The following ZNF417 variants were observed in gnomAD, a reference collection of about 807,000 sequenced individuals.
ZNF417 encodes the protein zinc finger protein 417.
Under a neutral mutation model 7.4 loss-of-function variants are expected in ZNF417, and 5 were observed. The observed-to-expected ratio is 0.68, with a 90% CI of 0.35 to 1.43. ZNF417 has a LOEUF of 1.43. Among genes scored for constraint, ZNF417 ranks in the 40% most tolerant of loss-of-function variants. The probability of loss-of-function intolerance (pLI) is 0.04; values close to 1 mark genes in which losing one functional copy is unlikely to be tolerated. For synonymous variants in ZNF417, 147 were observed against 239.1 expected (o/e 0.61, Z 3.55); for missense variants, 437 against 697.3 (o/e 0.63, Z 4.20).
chr19:57,907,470 A>G lies in ZNF417; in HGVS notation c.*1080T>C, dbSNP rs1249547915. On this transcript the variant is annotated 3_prime_UTR_variant, in exon 3 of 3. Transcript: ENST00000312026. The stretch of plus-strand genomic sequence containing the variant: ...CATGTGTTTGGTCAGTCATGAGAGG[A>G]AGAATAATTCAGAGTGAGAGGAAAC... The G allele has an allele frequency of 6.5e-6, 1 of 154,822 alleles. No individual in the cohort carries two copies. The highest frequency in any genetic ancestry group is 6.5e-5 in the Admixed American group (1 of 15,288). 9.6% of individuals were successfully genotyped at this position (154,822 alleles called of 1,614,324 possible). A position where few individuals can be genotyped will look rare whatever the true frequency, so the allele number is the denominator to read the frequency against.
At chr19:57,915,972 T>G (rs2071943656) in intron 1 of ZNF417, among the ~76,000 whole-genome samples, 1 of 152,106 alleles carries the variant, frequency 6.6e-6, no homozygotes, top group South Asian at 2.1e-4. Flanking sequence ...GAAAACAGCA[T>G]GAAAAACTCA....
chr19:57,912,968 T>G (rs891121395), intron 1 of ZNF417, among the ~76,000 whole-genome samples: 5 of 151,814 alleles, frequency 3.3e-5, no homozygotes, highest in Non-Finnish European at 5.9e-5. Flanking sequence ...ATGATTCCCT[T>G]GGGAATATGC....
intron 1 of ZNF417, chr19:57,915,729 G>T: frequency 2.5e-6 from 1 of 407,850 alleles, no homozygotes; most frequent in Non-Finnish European, 4.3e-6. Flanking sequence ...AGAACAGCCT[G>T]CCTTTGCAGG....
chr19:57,909,088 T>C lies in ZNF417; in HGVS notation c.1190A>G (p.Gln397Arg), dbSNP rs1296224367. 10 of 1,614,006 alleles carry C rather than the reference T, an allele frequency of 6.2e-6. No homozygotes were observed. The highest frequency in any genetic ancestry group is 8.5e-6 in the Non-Finnish European group (10 of 1,180,032). ...KSFGQKGNLVQHQRGHTGERP... is the reference protein window; with the variant it reads ...KSFGQKGNLVRHQRGHTGERP... ...TTCTCCAGTATGACCTCGCTGATGT[T>C]GAACGAGGTTGCCCTTTTGACCAAA... Residue 397 changes from glutamine to arginine, a missense_variant, in exon 3 of 3, where the codon CAA becomes CGA. Physicochemically the swap from Gln to Arg is conservative, Grantham distance 43. Around this residue, in one of 5 missense-constraint regions of ZNF417, gnomAD observed 233 missense variants for 235.5 expected, o/e 0.99. Coordinates refer to ENST00000312026, the MANE Select transcript of ZNF417 (RefSeq NM_152475.3).
intron 1 of ZNF417, among the ~76,000 whole-genome samples, chr19:57,914,491 A>AAAAAAAAAAAAAAAAAAAAAAC: frequency 6.9e-6 from 1 of 144,800 alleles, no homozygotes; most frequent in Non-Finnish European, 1.5e-5. Flanking sequence ...CACAAAAAAA[A>AAAAAAAAAAAAAAAAAAAAAAC]AAAAAAAAAA....
chr19:57,916,406 T>C lies in ZNF417; in HGVS notation c.6A>G (p.Ala2=). The part of the protein sequence containing the change: M[A]AAAPRRPTQQ... ...GAGTCGGGCGCCTCGGCGCAGCCGCTGCCATCGGACTACTTGGGGAAGCAC... is the reference window on the plus strand; with the variant it reads ...GAGTCGGGCGCCTCGGCGCAGCCGCCGCCATCGGACTACTTGGGGAAGCAC... The change falls in exon 1 of 3, where the codon GCA becomes GCG. Residue 2 remains alanine, a synonymous_variant. Coordinates refer to ENST00000312026, the MANE Select transcript of ZNF417 (RefSeq NM_152475.3). 1.2e-6 allele frequency: 2 copies of C among 1,614,140 alleles called. No individual in the cohort carries two copies. The highest frequency in any genetic ancestry group is 1.7e-6 in the Non-Finnish European group (2 of 1,180,040).
rs1313857330 is a variant in ZNF417, at chr19:57,916,556, G to A, written c.-145C>T. On this transcript the variant is annotated 5_prime_UTR_variant, in exon 1 of 3. Coordinates refer to ENST00000312026, the MANE Select transcript of ZNF417 (RefSeq NM_152475.3). ...CCCCAGCACTCAGGGGCCACAAACT[G>A]GGGAAACACCCGCGTCACCGATACA... The A allele has an allele frequency of 6.6e-6, 10 of 1,509,800 alleles. No homozygotes were observed. The highest frequency in any genetic ancestry group is 1.4e-5 in the African/African-American group (1 of 71,950). 93.5% of individuals were successfully genotyped at this position (1,509,800 alleles called of 1,614,324 possible). A position where few individuals can be genotyped will look rare whatever the true frequency, so the allele number is the denominator to read the frequency against.
intron 1 of ZNF417, among the ~76,000 whole-genome samples, chr19:57,913,902 T>C (rs2071921187): frequency 6.6e-6 from 1 of 152,194 alleles, no homozygotes; most frequent in Non-Finnish European, 1.5e-5. Flanking sequence ...AATGGACCCA[T>C]AACTAACTTA....
chr19:57,915,499 G>A, intron 1 of ZNF417: 1 of 495,752 alleles, frequency 2.0e-6, no homozygotes, highest in Non-Finnish European at 3.7e-6. Flanking sequence ...ACGGGTGTCA[G>A]AAACAGGTGA....
chr19:57,915,761 T>A (rs1361592919), intron 1 of ZNF417: 1 of 412,344 alleles, frequency 2.4e-6, no homozygotes, highest in Non-Finnish European at 4.2e-6. Context: ...AGCTACAAGG[T>A]TAGAAATTAC....
rs528648366 is a variant in ZNF417 at position 57,906,532 on chromosome 19, G to C, written c.*2018C>G. 5.2e-4 allele frequency among the ~76,000 whole-genome samples: 79 copies of C among 151,964 alleles called. No homozygotes were observed. Among genetic ancestry groups the C allele is most frequent in the African/African-American group, 1.9e-3 (77 of 41,480 alleles). ...AATCCCAGCACTTTAGGAGGCTGAG[G>C]GGGGTGGATCATGAGGTCACAAGTT... On this transcript the variant is annotated 3_prime_UTR_variant, in exon 3 of 3. Coordinates refer to ENST00000312026, the MANE Select transcript of ZNF417 (RefSeq NM_152475.3).
At chr19:57,915,415 C>G (rs60861531) in intron 1 of ZNF417, 6 of 376,334 alleles carry the variant, frequency 1.6e-5, no homozygotes, top group Non-Finnish European at 2.5e-5. Context: ...CAGGTTCCAT[C>G]CTCCCGGCTC....
chr19:57,912,862 G>A (rs148918710), intron 1 of ZNF417, among the ~76,000 whole-genome samples: 334 of 151,918 alleles, frequency 2.2e-3, no homozygotes, highest in African/African-American at 7.1e-3. Flanking sequence ...TGATCCATCC[G>A]CCTTGGCCTC....
At chr19:57,914,832 A>G (rs1168734138) in intron 1 of ZNF417, among the ~76,000 whole-genome samples, 1 of 152,250 alleles carries the variant, frequency 6.6e-6, no homozygotes, top group South Asian at 2.1e-4. Flanking sequence ...ATACTTGCAT[A>G]TAACCTGCCA....
rs1286921522 is a variant in ZNF417 at position 57,906,784 on chromosome 19, T to A, written c.*1766A>T. The stretch of plus-strand genomic sequence containing the variant: ...TCAAAAAAAAAAAAAAAAAAAAATT[T>A]AGGGATAATATCTAAGCCCATATAA... On this transcript the variant is annotated 3_prime_UTR_variant, in exon 3 of 3. Coordinates refer to ENST00000312026, the MANE Select transcript of ZNF417 (RefSeq NM_152475.3). 7.9e-6 allele frequency: 1 copy of A among 126,014 alleles called. No individual in the cohort carries two copies. Among genetic ancestry groups the A allele is most frequent in the African/African-American group, 2.9e-5 (1 of 34,696 alleles). 7.8% of individuals were successfully genotyped at this position (126,014 alleles called of 1,614,324 possible).
chr19:57,911,148 A>G (rs1486456485), intron 2 of ZNF417, among the ~76,000 whole-genome samples: 4 of 152,220 alleles, frequency 2.6e-5, no homozygotes, highest in African/African-American at 7.2e-5. Flanking sequence ...ACACTTCCTA[A>G]TATGTAATCG....
intron 1 of ZNF417, chr19:57,915,305 T>C: frequency 5.3e-6 from 1 of 188,044 alleles, no homozygotes; most frequent in Non-Finnish European, 1.1e-5. Flanking sequence ...CCCTCCTTTA[T>C]TCAAAACTCT....
In ZNF417 at chr19:57,912,191, T is replaced by C. The variant is rs1174108267; in HGVS notation, c.34-2A>G. The C allele has an allele frequency of 6.2e-7, 1 of 1,612,062 alleles. No homozygotes were observed. Among genetic ancestry groups the C allele is most frequent in the Non-Finnish European group, 8.5e-7 (1 of 1,179,456 alleles). ...ATCTTCAAAGGTCACAGTGCCCTGC[T>C]ATGATAGTGACAGATGAAACCACAA... On this transcript the variant is annotated splice_acceptor_variant, in intron 1 of 2. Transcript: ENST00000312026. LOFTEE classifies it high-confidence loss of function.
chr19:57,913,020 A>C (rs961678545), intron 1 of ZNF417, among the ~76,000 whole-genome samples: 5 of 151,804 alleles, frequency 3.3e-5, no homozygotes, highest in African/African-American at 1.2e-4. Flanking sequence ...GATGGAATTG[A>C]AACCCACCAC....
Sources: allele counts gnomAD v4.1 joint callset (sites outside exome capture counted in the v4.1 genomes callset), GRCh38; gene constraint gnomAD v4.1.1; regional missense constraint gnomAD v4.1.1; transcripts MANE v1.5; gene names NCBI Gene and HGNC (gene_info 2026-07-23, HGNC 2026-07-21).